CNTNAP2: variants seen among roughly 807,000 people sequenced by gnomAD.
CNTNAP2 encodes the protein contactin-associated protein-like 2.
Under a neutral mutation model 155.2 loss-of-function variants are expected in CNTNAP2, and 98 were observed. The ratio of observed to expected loss-of-function variants is 0.63; its 90% CI spans 0.54 to 0.75. CNTNAP2 has a LOEUF of 0.75. Ranked by LOEUF, CNTNAP2 falls within the 30% of genes least tolerant of loss-of-function variation. CNTNAP2 has a pLI of 0.00. For missense variants in CNTNAP2, 1,727 were observed against 1,688.1 expected, an observed-to-expected ratio of 1.02 and a Z score of -0.40; for synonymous variants, 651 against 631.2, an observed-to-expected ratio of 1.03 and a Z score of -0.47.
At chr7:147,871,793 G>T (rs1799332106) in intron 13 of CNTNAP2, among the ~76,000 whole-genome samples, 1 of 151,806 alleles carries the variant, frequency 6.6e-6, no homozygotes, top group African/African-American at 2.4e-5. Context: ...TGGCCGAATA[G>T]TTCGGGAATT....
chr7:147,485,988 G>A lies in CNTNAP2; in HGVS notation c.1724G>A (p.Ser575Asn). 1 of 1,614,092 alleles carries A rather than the reference G, an allele frequency of 6.2e-7. No homozygotes were observed. Residue 575 changes from serine to asparagine, a missense_variant, in exon 11 of 24, where the codon AGC becomes AAC. Physicochemically the swap from Ser to Asn is conservative, Grantham distance 46 (BLOSUM62 1). Transcript: ENST00000361727. ...HGGKCSQTWD[S>N]FKCTCDETGY... The stretch of plus-strand genomic sequence containing the variant: ...GGAAAGTGCTCGCAAACATGGGACA[G>A]CTTCAAATGCACTTGTGATGAGACA...
At chr7:147,473,373 G>C (rs1798261076) in intron 10 of CNTNAP2, among the ~76,000 whole-genome samples, 1 of 152,092 alleles carries the variant, frequency 6.6e-6, no homozygotes, top group Non-Finnish European at 1.5e-5. Context: ...AAGTTGAATG[G>C]GTTGACAAAG....
intron 3 of CNTNAP2, among the ~76,000 whole-genome samples, chr7:146,959,167 C>A (rs924309475): frequency 3.9e-5 from 6 of 151,908 alleles, no homozygotes; most frequent in African/African-American, 1.5e-4. Context: ...CTACAGGCAC[C>A]CACCACCACG....
At chr7:147,299,864 C>A (rs1302698152) in intron 8 of CNTNAP2, among the ~76,000 whole-genome samples, 5 of 152,084 alleles carry the variant, frequency 3.3e-5, no homozygotes, top group African/African-American at 4.8e-5. Context: ...ATCTAAATGA[C>A]TTTTTTTCAA....
intron 3 of CNTNAP2, among the ~76,000 whole-genome samples, chr7:146,946,704 A>G (rs1229939710): frequency 6.6e-6 from 1 of 152,118 alleles, no homozygotes; most frequent in East Asian, 1.9e-4. Flanking sequence ...ATTACAATCA[A>G]CACATTATTG....
At chr7:147,686,847 G>A (rs1431453845) in intron 13 of CNTNAP2, among the ~76,000 whole-genome samples, 2 of 150,122 alleles carry the variant, frequency 1.3e-5, no homozygotes, top group Non-Finnish European at 3.0e-5. Context: ...TAGATAGAGA[G>A]GGATAGTGTA....
chr7:146,396,837 AG>A (rs1795635371), intron 1 of CNTNAP2, among the ~76,000 whole-genome samples: 1 of 151,858 alleles, frequency 6.6e-6, no homozygotes, highest in African/African-American at 2.4e-5. Context: ...CAAAGAAAAA[AG>A]GTTTTTATTT....
At chr7:148,381,695 C>T (rs1044303086) in intron 21 of CNTNAP2, 11 of 152,248 alleles carry the variant, frequency 7.2e-5, no homozygotes, top group Non-Finnish European at 1.5e-4. Context: ...TGTAAGTTCT[C>T]ACTTTGGGCT....
chr7:147,143,021 A>G (rs1801631044), intron 8 of CNTNAP2, among the ~76,000 whole-genome samples: 2 of 152,170 alleles, frequency 1.3e-5, no homozygotes, highest in African/African-American at 4.8e-5. Flanking sequence ...TTGAATAACA[A>G]TTATTTTTTG....
chr7:147,553,076 A>G (rs1799882761), intron 11 of CNTNAP2, among the ~76,000 whole-genome samples: 4 of 152,232 alleles, frequency 2.6e-5, no homozygotes, highest in Admixed American at 2.6e-4. Context: ...ACGTAGTGAA[A>G]GCCCAGGGTA....
At chr7:147,325,405 G>A (rs1340391325) in intron 9 of CNTNAP2, among the ~76,000 whole-genome samples, 2 of 152,156 alleles carry the variant, frequency 1.3e-5, no homozygotes, top group Non-Finnish European at 2.9e-5. Context: ...GGAATGCCAT[G>A]TCTGCCTCTG....
rs755518759 is a variant in CNTNAP2 at position 146,774,373 on chromosome 7, A to G, written c.200A>G (p.Lys67Arg). Residue 67 changes from lysine (K) to arginine (R), a missense_variant, in exon 2 of 24, where the codon AAG (lysine) becomes AGG (arginine). Coordinates refer to ENST00000361727, the MANE Select transcript of CNTNAP2 (RefSeq NM_014141.6). ...TCTCCCGGCTATGCCAAGATAAACA[A>G]GAGAGGAGGTAAGCCAAATTTTGAT... ...SYSPGYAKIN[K>R]RGGAGGWSPS... is the part of the protein sequence containing the mutation. The G allele has an allele frequency of 8.7e-5, 140 of 1,613,474 alleles. No individual in the cohort carries two copies. Among genetic ancestry groups the G allele is most frequent in the Non-Finnish European group, 1.2e-4 (136 of 1,179,724 alleles).
chr7:146,310,632 G>T (rs1329064635), intron 1 of CNTNAP2, among the ~76,000 whole-genome samples: 4 of 151,304 alleles, frequency 2.6e-5, no homozygotes, highest in African/African-American at 4.9e-5. Context: ...TTTTTTAATT[G>T]TTAATATATC....
At position 146,116,938 on chromosome 7, in the gene CNTNAP2, G is replaced by T; in HGVS notation, c.62G>T (p.Cys21Phe). The T allele has an allele frequency of 6.4e-7, 1 of 1,552,136 alleles. No individual in the cohort carries two copies. Among genetic ancestry groups the T allele is most frequent in the Non-Finnish European group, 8.7e-7 (1 of 1,147,492 alleles). ...CTCCTGCTGTGGATTGTCAGCAGCT[G>T]CCTCTGCAGAGCCTGGACGGCTCCC... ...AALLLWIVSS[C>F]LCRAWTAPST... is the part of the protein sequence containing the mutation. The change falls in exon 1 of 24, where the codon TGC becomes TTC. Residue 21 changes from cysteine to phenylalanine, a missense_variant. Transcript: ENST00000361727. This position sits in a 1 kb window ranked among gnomAD's most constrained non-coding sequence, Gnocchi z 5.5.
At chr7:146,305,449 G>A (rs1800691951) in intron 1 of CNTNAP2, among the ~76,000 whole-genome samples, 1 of 152,084 alleles carries the variant, frequency 6.6e-6, no homozygotes, top group Non-Finnish European at 1.5e-5. Context: ...ACATACAGAT[G>A]GGGTTTTGGT....
chr7:147,532,098 T>C (rs112288226), intron 11 of CNTNAP2, among the ~76,000 whole-genome samples: 30,077 of 152,136 alleles, frequency 0.2, 3,199 homozygotes, highest in Admixed American at 0.27. Flanking sequence ...TGAGCCACCA[T>C]GCCCGGCCAG....
chr7:146,880,206 C>T (rs1795515979), intron 3 of CNTNAP2, among the ~76,000 whole-genome samples: 1 of 152,046 alleles, frequency 6.6e-6, no homozygotes, highest in African/African-American at 2.4e-5. Flanking sequence ...AAGCCTAATA[C>T]CTATTGCTAT....
chr7:146,795,723 A>T (rs1370216984), intron 2 of CNTNAP2, among the ~76,000 whole-genome samples: 1 of 152,198 alleles, frequency 6.6e-6, no homozygotes, highest in Non-Finnish European at 1.5e-5. Flanking sequence ...ACAAAATCTT[A>T]TGGATTCTAG....
rs7802258 is a variant in CNTNAP2 at position 148,221,943 on chromosome 7, A to G, written c.3247+4419A>G. 3.4e-3 allele frequency among the ~76,000 whole-genome samples: 520 copies of G among 152,350 alleles called. 4 individuals carry two copies. Among genetic ancestry groups the G allele is most frequent in the African/African-American group, 0.012 (496 of 41,586 alleles). On this transcript the variant is annotated intron_variant, in intron 19 of 23. Coordinates refer to ENST00000361727, the MANE Select transcript of CNTNAP2 (RefSeq NM_014141.6). ...CAGTAGTGTTTACGTCATGGTGTCC[A>G]TAGAAAATTATTATATTTGAATGGT...
Sources: gnomAD v4.1 joint callset for allele counts (sites outside exome capture counted in the v4.1 genomes callset) on GRCh38, gnomAD v4.1.1 for gene constraint, Gnocchi (gnomAD v3.1) non-coding constraint, MANE v1.5 for transcripts, NCBI Gene and HGNC (gene_info 2026-07-23, HGNC 2026-07-21) for gene names.